The following SETD3 variants were observed in gnomAD, a reference collection of about 807,000 sequenced individuals.
SETD3 encodes the protein SET domain containing 3, actin N3(tau)-histidine methyltransferase.
Under a neutral mutation model 63.0 loss-of-function variants are expected in SETD3, and 19 were observed. The ratio of observed to expected loss-of-function variants is 0.30; its 90% CI spans 0.21 to 0.44. The LOEUF is 0.44. Ranked by LOEUF, SETD3 falls within the 20% of genes least tolerant of loss-of-function variation. The pLI is 1.00. For missense variants in SETD3, 587 were observed against 728.5 expected (o/e 0.81, Z 2.24); for synonymous variants, 286 against 264.1 (o/e 1.08, Z -0.80).
chr14:99,448,023 A>G (rs530951373), intron 6 of SETD3, among the ~76,000 whole-genome samples: 4 of 152,304 alleles, frequency 2.6e-5, no homozygotes, highest in Non-Finnish European at 5.9e-5. Flanking sequence ...TCTGCCCTTA[A>G]AACTAGACTA....
intron 6 of SETD3, 87 bp downstream of exon 6, chr14:99,458,192 A>C (rs1478171657): frequency 4.3e-6 from 6 of 1,395,720 alleles, no homozygotes; most frequent in Non-Finnish European, 4.9e-6. Flanking sequence ...ATCCTTAATA[A>C]GACATCAAAT....
intron 6 of SETD3, among the ~76,000 whole-genome samples, chr14:99,419,263 TTATA>T (rs1892445947): frequency 6.6e-6 from 1 of 152,220 alleles, no homozygotes; most frequent in Admixed American, 6.5e-5. Flanking sequence ...TGCCTTTCGC[TTATA>T]TATAATTTTT....
intron 3 of SETD3, among the ~76,000 whole-genome samples, chr14:99,463,167 G>A (rs1285004483): frequency 6.6e-6 from 1 of 152,190 alleles, no homozygotes; most frequent in African/African-American, 2.4e-5. Context: ...TATATGCACT[G>A]TCCTGAAACT....
At chr14:99,439,965 T>C (rs988371060) in intron 6 of SETD3, among the ~76,000 whole-genome samples, 1 of 144,842 alleles carries the variant, frequency 6.9e-6, no homozygotes, top group South Asian at 2.2e-4. Flanking sequence ...TCTTTCTGTA[T>C]TTTTTTTTTT....
intron 5 of SETD3, 126 bp from the exon 6 acceptor site, chr14:99,458,661 G>A: frequency 8.3e-7 from 1 of 1,209,130 alleles, no homozygotes; most frequent in East Asian, 2.6e-5. Flanking sequence ...GTACAGGCTG[G>A]GCGCAGTGGC....
intron 1 of SETD3, among the ~76,000 whole-genome samples, chr14:99,466,235 A>G (rs188503433): frequency 1.3e-5 from 2 of 152,346 alleles, no homozygotes; most frequent in Non-Finnish European, 2.9e-5. Flanking sequence ...CCCATTAACC[A>G]TAACTGTATC....
intron 1 of SETD3, among the ~76,000 whole-genome samples, chr14:99,475,931 T>A (rs1158966390): frequency 1.3e-5 from 2 of 152,262 alleles, no homozygotes; most frequent in Admixed American, 1.3e-4. Flanking sequence ...ATGTGCTATA[T>A]TCAACAACTG....
At chr14:99,480,451 C>A (rs1393810065) in intron 1 of SETD3, among the ~76,000 whole-genome samples, 2 of 151,474 alleles carry the variant, frequency 1.3e-5, no homozygotes, top group Non-Finnish European at 3.0e-5. Flanking sequence ...GACAGGGCAG[C>A]GGCGAGCGCG....
chr14:99,414,109 C>T (rs993140490), intron 6 of SETD3, among the ~76,000 whole-genome samples, 175 bp from the exon 7 acceptor site: 3 of 152,282 alleles, frequency 2.0e-5, no homozygotes, highest in African/African-American at 7.2e-5. Flanking sequence ...TCTCATACAT[C>T]ACTGTCAACT....
intron 10 of SETD3, 88 bp downstream of exon 10, chr14:99,405,117 A>T: frequency 6.7e-7 from 1 of 1,488,550 alleles, no homozygotes; most frequent in Non-Finnish European, 9.0e-7. Flanking sequence ...ACTGGAGAGA[A>T]GTTTTATTAA....
Position 99,404,217 on chromosome 14 carries a change from T to G in SETD3, c.1177+8A>C. 2 of 1,610,168 alleles carry G rather than the reference T, an allele frequency of 1.2e-6. No homozygotes were observed. Among genetic ancestry groups the G allele is most frequent in the Non-Finnish European group, 1.7e-6 (2 of 1,177,602 alleles). On this transcript the variant is annotated splice_region_variant and intron_variant, in intron 11 of 12. Transcript: ENST00000331768. ...AGTCAACATCTCTTTTTTCCTGAAA[T>G]GACTTACCTTCAGTCATACAGAATA...
At chr14:99,412,725 A>G (rs565495552) in intron 8 of SETD3, 10 of 455,316 alleles carry the variant, frequency 2.2e-5, no homozygotes, top group South Asian at 4.1e-5. Flanking sequence ...TGAAAATGGT[A>G]TAAGATTCAA....
intron 5 of SETD3, 109 bp downstream of exon 5, chr14:99,459,004 T>C: frequency 4.3e-6 from 3 of 699,390 alleles, no homozygotes; most frequent in Non-Finnish European, 7.3e-6. Flanking sequence ...TTTGAGGGAA[T>C]ATTTCGCCAG....
chr14:99,462,391 G>A (rs934877032), intron 3 of SETD3, among the ~76,000 whole-genome samples: 3 of 152,182 alleles, frequency 2.0e-5, no homozygotes, highest in African/African-American at 4.8e-5. Context: ...TAGCTCAGGC[G>A]CCTGTGGCCA....
intron 5 of SETD3, 73 bp from the exon 6 acceptor site, chr14:99,458,608 A>C: frequency 6.5e-7 from 1 of 1,527,254 alleles, no homozygotes; most frequent in Non-Finnish European, 8.8e-7. Context: ...ATACGTTTAC[A>C]AATTACAGAA....
intron 12 of SETD3, among the ~76,000 whole-genome samples, chr14:99,399,620 T>C (rs1161891501): frequency 2.6e-5 from 4 of 152,112 alleles, no homozygotes; most frequent in Non-Finnish European, 4.4e-5. Flanking sequence ...ATCTTAAAAA[T>C]GTATCTTCTA....
At chr14:99,450,350 G>A (rs1315817545) in intron 6 of SETD3, among the ~76,000 whole-genome samples, 2 of 152,214 alleles carry the variant, frequency 1.3e-5, no homozygotes, top group African/African-American at 2.4e-5. Context: ...TTCACATCTT[G>A]TGCTATTCTT....
At position 99,455,289 on chromosome 14, in the gene SETD3, A is replaced by AC. The variant is rs553907840; in HGVS notation, c.675+2989dup. Among the ~76,000 whole-genome samples, 371 of 152,132 alleles carry AC rather than the reference A, an allele frequency of 2.4e-3. 1 individual carries two copies. The highest frequency in any genetic ancestry group is 8.6e-3 in the African/African-American group (358 of 41,486). On this transcript the variant is annotated intron_variant, in intron 6 of 12. Transcript: ENST00000331768. ...CCAGCTAACACGGAGAACTGACCCC[A>AC]CCCCATCATGCATATCGCATTTTCA...
intron 6 of SETD3, among the ~76,000 whole-genome samples, chr14:99,428,518 C>T (rs900190288): frequency 8.7e-4 from 132 of 152,220 alleles, no homozygotes; most frequent in African/African-American, 2.9e-3. Flanking sequence ...TGGTGGCACA[C>T]ACCTGTAGTC....
Sources: gnomAD v4.1 joint callset for allele counts (sites outside exome capture counted in the v4.1 genomes callset) on GRCh38, gnomAD v4.1.1 for gene constraint, MANE v1.5 for transcripts, NCBI Gene and HGNC (gene_info 2026-07-23, HGNC 2026-07-21) for gene names.